The following MTCL2 variants were observed in gnomAD, a reference collection of about 807,000 sequenced individuals.
The protein encoded by MTCL2 is microtubule cross-linking factor 2.
chr20:36,820,952 G>T, the MTCL2 span, among the ~76,000 whole-genome samples: 20 of 152,254 alleles, frequency 1.3e-4, no homozygotes, highest in African/African-American at 4.1e-4. Context: ...CTGAGGAGTA[G>T]AATTGAAGGA....
the MTCL2 span, chr20:36,797,446 G>A: frequency 2.6e-6 from 4 of 1,529,870 alleles, no homozygotes; most frequent in Non-Finnish European, 3.5e-6. Context: ...CACAAGCAGG[G>A]ACCTTTATGG....
At chr20:36,862,412 C>G in the MTCL2 span, among the ~76,000 whole-genome samples, 1 of 152,218 alleles carries the variant, frequency 6.6e-6, no homozygotes, top group Non-Finnish European at 1.5e-5. Context: ...CTCAAGTCCC[C>G]GCTCCCAGGT....
chr20:36,797,647 T>C, the MTCL2 span: 56 of 1,356,880 alleles, frequency 4.1e-5, no homozygotes, highest in Non-Finnish European at 5.4e-5. Context: ...AGCAAGGCCA[T>C]TCCCCAGACT....
the MTCL2 span, among the ~76,000 whole-genome samples, chr20:36,801,731 C>T: frequency 2.4e-4 from 37 of 151,156 alleles, no homozygotes; most frequent in Middle Eastern, 3.6e-3. Context: ...TTTGGAAGAC[C>T]GAGGCGGGCG....
At chr20:36,852,811 C>G in the MTCL2 span, among the ~76,000 whole-genome samples, 1 of 152,138 alleles carries the variant, frequency 6.6e-6, no homozygotes, top group African/African-American at 2.4e-5. Context: ...AATCCCAGCA[C>G]TTTGGGAGGC....
the MTCL2 span, chr20:36,816,370 T>C: frequency 2.1e-6 from 3 of 1,404,002 alleles, no homozygotes; most frequent in South Asian, 1.3e-5. Flanking sequence ...GTACCAGCCA[T>C]GGCATTTTGG....
chr20:36,819,789 G>C, the MTCL2 span, among the ~76,000 whole-genome samples: 3 of 152,092 alleles, frequency 2.0e-5, no homozygotes, highest in Admixed American at 2.0e-4. Context: ...ATCCTAAAGA[G>C]ACCTTTTGAA....
At chr20:36,859,796 G>T in the MTCL2 span, 25 of 1,231,574 alleles carry the variant, frequency 2.0e-5, no homozygotes, top group South Asian at 7.8e-4. Context: ...GGACATACTG[G>T]GGATTTGGAG....
At chr20:36,843,626 G>A in the MTCL2 span, among the ~76,000 whole-genome samples, 206 of 152,350 alleles carry the variant, frequency 1.4e-3, 1 homozygote, top group African/African-American at 4.8e-3. Context: ...AGTGCAAGCC[G>A]GTAGGCTAGG....
the MTCL2 span, chr20:36,778,632 G>A: frequency 6.5e-6 from 1 of 153,068 alleles, no homozygotes; most frequent in Admixed American, 6.5e-5. Flanking sequence ...GTCTTGGGGT[G>A]AGTCCCCCGT....
the MTCL2 span, chr20:36,802,877 C>G: frequency 6.3e-7 from 1 of 1,577,570 alleles, no homozygotes. Flanking sequence ...GGTTCTGCAG[C>G]TCCTTCACCT....
chr20:36,857,595 A>C, the MTCL2 span, among the ~76,000 whole-genome samples: 1 of 152,076 alleles, frequency 6.6e-6, no homozygotes, highest in South Asian at 2.1e-4. Context: ...TGCGGCTGGG[A>C]CTCAGGGTAA....
the MTCL2 span, chr20:36,794,344 G>A: frequency 6.3e-7 from 1 of 1,592,832 alleles, no homozygotes; most frequent in Non-Finnish European, 8.5e-7. This position sits in a 1 kb window ranked among gnomAD's most constrained non-coding sequence, Gnocchi z 5.4. Context: ...TGCCCGTCTT[G>A]TCAGGAGCCG....
the MTCL2 span, chr20:36,794,595 T>A: frequency 6.2e-7 from 1 of 1,613,984 alleles, no homozygotes; most frequent in Non-Finnish European, 8.5e-7. This position sits in a 1 kb window ranked among gnomAD's most constrained non-coding sequence, Gnocchi z 5.4. Context: ...GAAACAGATT[T>A]GGTTCTGCGA....
At chr20:36,804,924 T>C in the MTCL2 span, 2 of 1,601,432 alleles carry the variant, frequency 1.2e-6, no homozygotes, top group Non-Finnish European at 1.7e-6. Flanking sequence ...AGGCAAAACC[T>C]GAGTCAAGAG....
the MTCL2 span, among the ~76,000 whole-genome samples, chr20:36,831,618 G>C: frequency 1.3e-5 from 2 of 152,218 alleles, no homozygotes; most frequent in Admixed American, 1.3e-4. Context: ...ACCAGGCATG[G>C]CCTCTCCCTC....
chr20:36,780,845 A>G, the MTCL2 span: 5 of 152,158 alleles, frequency 3.3e-5, no homozygotes, highest in Admixed American at 3.3e-4. Flanking sequence ...TCACCCGTTG[A>G]CTCACCAACT....
chr20:36,835,626 C>T, the MTCL2 span, among the ~76,000 whole-genome samples: 1 of 152,142 alleles, frequency 6.6e-6, no homozygotes, highest in Non-Finnish European at 1.5e-5. Flanking sequence ...CCCAAAACCC[C>T]CCAGAACGAC....
At chr20:36,828,785 G>T in the MTCL2 span, 1 of 397,702 alleles carries the variant, frequency 2.5e-6, no homozygotes, top group Admixed American at 4.4e-5. Flanking sequence ...TTTGATGAAT[G>T]ACTCTCTCTC....
Sources: allele counts gnomAD v4.1 joint callset (sites outside exome capture counted in the v4.1 genomes callset), GRCh38; gene constraint gnomAD v4.1.1; non-coding constraint Gnocchi (gnomAD v3.1); transcripts MANE v1.5; gene names NCBI Gene and HGNC (gene_info 2026-07-23, HGNC 2026-07-21).